The following FRAS1 variants were observed in gnomAD, a reference collection of about 807,000 sequenced individuals.
FRAS1 encodes the protein extracellular matrix organizing protein FRAS1.
Under a neutral mutation model 435.2 loss-of-function variants are expected in FRAS1, and 290 were observed. The ratio of observed to expected loss-of-function variants is 0.67; its 90% confidence interval spans 0.61 to 0.73. The LOEUF is 0.73. FRAS1 is among the 30% of genes least tolerant of loss of function. The pLI is 0.00. For synonymous variants in FRAS1, 1,800 were observed against 1,851.0 expected, an observed-to-expected ratio of 0.97 and a Z score of 0.71; for missense variants, 4,860 against 5,001.5, an observed-to-expected ratio of 0.97 and a Z score of 0.85.
At chr4:78,537,734 G>A (rs1721927368) in intron 72 of FRAS1, among the ~76,000 whole-genome samples, 1 of 152,050 alleles carries the variant, frequency 6.6e-6, no homozygotes, top group African/African-American at 2.4e-5. Flanking sequence ...CTTAAGCTTA[G>A]GAGTTTGAGA....
intron 2 of FRAS1, among the ~76,000 whole-genome samples, chr4:78,130,172 G>GT (rs1719614106): frequency 6.8e-6 from 1 of 146,704 alleles, no homozygotes; most frequent in African/African-American, 2.5e-5. Flanking sequence ...ATGTAATGCT[G>GT]GTTTTTTTGT....
chr4:78,479,762 T>C (rs1262390888), intron 56 of FRAS1, 44 bp downstream of exon 56: 1 of 1,425,272 alleles, frequency 7.0e-7, no homozygotes, highest in South Asian at 1.5e-5. Context: ...GTCTCCTGAT[T>C]CCTTTCTTGA....
Position 78,451,807 on chromosome 4 carries a change from G to T in FRAS1, c.6499G>T (p.Gly2167Ter). 6.2e-7 allele frequency: 1 copy of T among 1,612,402 alleles called. No homozygotes were observed. The highest frequency in any genetic ancestry group is 1.1e-5 in the South Asian group (1 of 90,956). ...VEYSHGTGEP[G>*]GSFAFKFDVV... ...ATATAGTCATGGAACAGGAGAACCTGGAGGGAGCTTTGCTTTTAAATTTGA... is the reference window on the plus strand; with the variant it reads ...ATATAGTCATGGAACAGGAGAACCTTGAGGGAGCTTTGCTTTTAAATTTGA... The change falls in exon 46 of 74, where the codon GGA becomes TGA. Residue 2167 changes from glycine to a stop codon, truncating the protein, a stop_gained. Coordinates refer to ENST00000512123, the MANE Select transcript of FRAS1 (RefSeq NM_025074.7). LOFTEE classifies it high-confidence loss of function.
intron 2 of FRAS1, among the ~76,000 whole-genome samples, chr4:78,170,869 C>T (rs1360349967): frequency 6.6e-6 from 1 of 152,018 alleles, no homozygotes; most frequent in East Asian, 1.9e-4. Context: ...ATTGCTCTGC[C>T]TTTGAATTCC....
intron 14 of FRAS1, among the ~76,000 whole-genome samples, chr4:78,307,646 C>A (rs572510685): frequency 6.6e-6 from 1 of 152,218 alleles, no homozygotes; most frequent in African/African-American, 2.4e-5. Context: ...CCCTGTCTTT[C>A]ACTAGGAAGG....
At chr4:78,212,851 C>A (rs1369635615) in intron 2 of FRAS1, among the ~76,000 whole-genome samples, 1 of 152,140 alleles carries the variant, frequency 6.6e-6, no homozygotes, top group Non-Finnish European at 1.5e-5. Flanking sequence ...GGAGAGTGTT[C>A]TTGGGGAAAA....
At chr4:78,178,989 A>G (rs17003022) in intron 2 of FRAS1, among the ~76,000 whole-genome samples, 8,605 of 152,202 alleles carry the variant, frequency 0.057, 525 homozygotes, top group African/African-American at 0.15. Context: ...ATGACTATAC[A>G]TTCCTCTTGG....
At position 78,448,194 on chromosome 4, in the gene FRAS1, A is replaced by G; in HGVS notation, c.6152A>G (p.Glu2051Gly). Residue 2051 changes from glutamate to glycine, a missense_variant, in exon 44 of 74, where the codon GAG (glutamate) becomes GGG (glycine). Transcript: ENST00000512123. ...VPSVPGMVVDEFQFSLTDGLH... is the reference protein window; with the variant it reads ...VPSVPGMVVDGFQFSLTDGLH... ...AGTGTCCCTGGCATGGTCGTGGATG[A>G]GTTCCAGTTCTCCCTCACTGATGGC... 2 of 1,613,502 alleles carry G rather than the reference A, an allele frequency of 1.2e-6. No individual in the cohort carries two copies. Among genetic ancestry groups the G allele is most frequent in the Non-Finnish European group, 1.7e-6 (2 of 1,179,814 alleles).
intron 6 of FRAS1, among the ~76,000 whole-genome samples, chr4:78,261,756 C>A (rs1184913847): frequency 1.3e-5 from 2 of 152,150 alleles, no homozygotes; most frequent in Non-Finnish European, 2.9e-5. Flanking sequence ...CATTCTTTGT[C>A]ACAGCTACTC....
At chr4:78,406,423 G>A (rs1269834830) in intron 30 of FRAS1, among the ~76,000 whole-genome samples, 5 of 152,164 alleles carry the variant, frequency 3.3e-5, no homozygotes, top group Non-Finnish European at 7.4e-5. Flanking sequence ...CAGAATCATG[G>A]CAGGAGGAGA....
chr4:78,160,349 T>G (rs1215193157), intron 2 of FRAS1, among the ~76,000 whole-genome samples: 1 of 152,236 alleles, frequency 6.6e-6, no homozygotes, highest in Non-Finnish European at 1.5e-5. Flanking sequence ...CTCATAGTGT[T>G]TAAAAAATTT....
Position 78,065,087 on chromosome 4 carries a change from T to TAC in FRAS1, c.77-885_77-884dup, listed in dbSNP as rs1293298298. ...ATATATATATATATATATATATACA[T>TAC]ACACACACACACACTAAATACTACA... is the stretch of plus-strand genomic sequence containing the variant. On this transcript the variant is annotated intron_variant, in intron 1 of 73. Coordinates refer to ENST00000512123, the MANE Select transcript of FRAS1 (RefSeq NM_025074.7). Among the ~76,000 whole-genome samples, 153 of 141,346 alleles carry TAC rather than the reference T, an allele frequency of 1.1e-3. 1 individual carries two copies. The highest frequency in any genetic ancestry group is 3.3e-3 in the African/African-American group (130 of 38,838). 92.7% of individuals were successfully genotyped at this position (141,346 alleles called of 152,430 possible).
At chr4:78,086,462 G>T (rs184681663) in intron 2 of FRAS1, among the ~76,000 whole-genome samples, 1 of 151,740 alleles carries the variant, frequency 6.6e-6, no homozygotes, top group African/African-American at 2.4e-5. Flanking sequence ...ACAAAAAACC[G>T]TTCAAAAAAT....
At chr4:78,258,354 A>C (rs6828316) in intron 6 of FRAS1, among the ~76,000 whole-genome samples, 50,550 of 146,722 alleles carry the variant, frequency 0.34, 8,976 homozygotes, top group South Asian at 0.6. Context: ...AAAAAAAAAA[A>C]AGAAAAAAGA....
intron 2 of FRAS1, among the ~76,000 whole-genome samples, chr4:78,142,401 T>C (rs1234087804): frequency 6.6e-6 from 1 of 151,996 alleles, no homozygotes; most frequent in East Asian, 1.9e-4. Flanking sequence ...TTATCTCTGA[T>C]ACCTTTTCAT....
At chr4:78,181,713 T>C in intron 2 of FRAS1, 1 of 1,610,270 alleles carries the variant, frequency 6.2e-7, no homozygotes, top group Non-Finnish European at 8.5e-7. Context: ...TGATCAGGTC[T>C]TCTTCCAACT....
Position 78,513,665 on chromosome 4 carries a change from A to C in FRAS1, c.10174+113A>C, listed in dbSNP as rs116188827. ...ATGTTTTCTGGTCCTCAGAATCCAC[A>C]TATTAGTGGTTTTCCTTCTAGCACA... On this transcript the variant is annotated intron_variant, in intron 65 of 73. Coordinates refer to ENST00000512123, the MANE Select transcript of FRAS1 (RefSeq NM_025074.7). 2,097 of 975,830 alleles carry C rather than the reference A, an allele frequency of 2.1e-3. 37 individuals are homozygous for C. In the African/African-American group the frequency reaches 0.03, roughly 14 times the overall value. The allele number at this position is 975,830 out of a possible 1,614,324, so 60.4% of individuals were successfully genotyped here.
At chr4:78,322,186 C>G (rs1213191164) in intron 18 of FRAS1, among the ~76,000 whole-genome samples, 3 of 152,156 alleles carry the variant, frequency 2.0e-5, no homozygotes, top group Non-Finnish European at 4.4e-5. Flanking sequence ...TATTTCCTGT[C>G]AGTCATCCCG....
chr4:78,130,765 T>C (rs1560540569), intron 2 of FRAS1, among the ~76,000 whole-genome samples: 1 of 152,190 alleles, frequency 6.6e-6, no homozygotes, highest in Non-Finnish European at 1.5e-5. Flanking sequence ...GTCATGGAAC[T>C]AAGAGTTGAA....
Sources: allele counts gnomAD v4.1 joint callset (sites outside exome capture counted in the v4.1 genomes callset), GRCh38; gene constraint gnomAD v4.1.1; transcripts MANE v1.5; gene names NCBI Gene and HGNC (gene_info 2026-07-23, HGNC 2026-07-21).